Variants in MINDY2 observed in about 807,000 individuals in gnomAD.
MINDY2 encodes ubiquitin carboxyl-terminal hydrolase MINDY-2.
Under a neutral mutation model 68.2 loss-of-function variants are expected in MINDY2, and 52 were observed. The observed-to-expected ratio is 0.76, with a 90% CI of 0.61 to 0.96. The LOEUF is 0.96. Among genes scored for constraint, MINDY2 ranks in the 40% least tolerant of loss-of-function variants. The probability of loss-of-function intolerance (pLI) is 0.00; values close to 1 mark genes in which losing one functional copy is unlikely to be tolerated. For synonymous variants in MINDY2, 372 were observed against 303.0 expected, an observed-to-expected ratio of 1.23 and a Z score of -2.36; for missense variants, 881 against 773.4, an observed-to-expected ratio of 1.14 and a Z score of -1.65.
At chr15:58,825,351 G>A (rs2031325912) in intron 5 of MINDY2, among the ~76,000 whole-genome samples, 1 of 152,090 alleles carries the variant, frequency 6.6e-6, no homozygotes, top group Non-Finnish European at 1.5e-5. Context: ...ATACTTAATT[G>A]TAGAATACAC....
intron 1 of MINDY2, among the ~76,000 whole-genome samples, chr15:58,786,450 A>G (rs927710849): frequency 1.3e-5 from 2 of 152,240 alleles, no homozygotes; most frequent in Non-Finnish European, 2.9e-5. Flanking sequence ...ATTTACAATC[A>G]TTGACTGTAA....
At chr15:58,854,111 G>A (rs1435359191) in intron 8 of MINDY2, among the ~76,000 whole-genome samples, 2 of 151,940 alleles carry the variant, frequency 1.3e-5, no homozygotes, top group African/African-American at 4.8e-5. Context: ...AGGCGTGGTG[G>A]CAGGTGCCTG....
At chr15:58,848,695 G>A (rs1005463373) in intron 7 of MINDY2, among the ~76,000 whole-genome samples, 3 of 152,112 alleles carry the variant, frequency 2.0e-5, no homozygotes, top group Non-Finnish European at 2.9e-5. Flanking sequence ...GCAGCGAGCC[G>A]AGATCGTGCC....
At chr15:58,801,380 TAAAAAAA>T (rs1188514448) in intron 2 of MINDY2, among the ~76,000 whole-genome samples, 2 of 22,590 alleles carry the variant, frequency 8.9e-5, no homozygotes, top group Non-Finnish European at 8.3e-5. Context: ...CCCCATCTCT[TAAAAAAA>T]AAAAAAAAAA....
In MINDY2 at chr15:58,858,260, T is replaced by G. The variant is rs2033120668; in HGVS notation, c.*3650T>G. The G allele has an allele frequency of 6.6e-6, 1 of 152,184 alleles. No individual in the cohort carries two copies. Among genetic ancestry groups the G allele is most frequent in the African/African-American group, 2.4e-5 (1 of 41,460 alleles). The allele number at this position is 152,184 out of a possible 1,614,324, so 9.4% of individuals were successfully genotyped here. ...TTAGGCTTTGGAATATATCTTGTTTTTATTGTCTCACATTTCTGATATTGA... is the reference window on the plus strand; with the variant it reads ...TTAGGCTTTGGAATATATCTTGTTTGTATTGTCTCACATTTCTGATATTGA... On this transcript the variant is annotated 3_prime_UTR_variant, in exon 9 of 9. Coordinates refer to ENST00000559228, the MANE Select transcript of MINDY2 (RefSeq NM_001040450.3).
Position 58,809,743 on chromosome 15 carries a change from A to G in MINDY2, c.964-487A>G, listed in dbSNP as rs73428510. ...TATATATACATGTTTATCTCTCCCA[A>G]TAGAATGTTAGTTGCATAAGAGCAT... On this transcript the variant is annotated intron_variant, in intron 3 of 8. Transcript: ENST00000559228. 9.1e-3 allele frequency among the ~76,000 whole-genome samples: 1,382 copies of G among 152,262 alleles called. 20 individuals carry two copies. Among genetic ancestry groups the G allele is most frequent in the African/African-American group, 0.031 (1,305 of 41,536 alleles).
intron 2 of MINDY2, among the ~76,000 whole-genome samples, chr15:58,791,586 T>A (rs1901924371): frequency 6.7e-6 from 1 of 149,702 alleles, no homozygotes; most frequent in Admixed American, 6.7e-5. Context: ...GACTGCACTC[T>A]ACCCTGGGCA....
Position 58,855,620 on chromosome 15 carries a change from A to G in MINDY2, c.*1010A>G, listed in dbSNP as rs1480375787. 1 of 152,620 alleles carries G rather than the reference A, an allele frequency of 6.6e-6. No individual in the cohort carries two copies. The highest frequency in any genetic ancestry group is 1.5e-5 in the Non-Finnish European group (1 of 68,050). 9.5% of individuals were successfully genotyped at this position (152,620 alleles called of 1,614,324 possible). A position where few individuals can be genotyped will look rare whatever the true frequency, so the allele number is the denominator to read the frequency against. On this transcript the variant is annotated 3_prime_UTR_variant, in exon 9 of 9. Coordinates refer to ENST00000559228, the MANE Select transcript of MINDY2 (RefSeq NM_001040450.3). The stretch of plus-strand genomic sequence containing the variant: ...TAATCTCTGTGTCTTATAAAAAGAC[A>G]TTAATAAAAATCTGAAAGGGCCGGG...
At chr15:58,820,552 C>G (rs1197500925) in intron 4 of MINDY2, among the ~76,000 whole-genome samples, 1 of 152,050 alleles carries the variant, frequency 6.6e-6, no homozygotes, top group African/African-American at 2.4e-5. Flanking sequence ...ATCATCAGTT[C>G]CAGTTGTATG....
intron 2 of MINDY2, among the ~76,000 whole-genome samples, chr15:58,796,444 A>C (rs1567047020): frequency 6.6e-6 from 1 of 152,264 alleles, no homozygotes; most frequent in Non-Finnish European, 1.5e-5. Flanking sequence ...TGAGCCAGGC[A>C]GGAAGTTTGA....
rs2033100860 is a variant in MINDY2 at position 58,857,537 on chromosome 15, A to AG, written c.*2927_*2928insG. On this transcript the variant is annotated 3_prime_UTR_variant, in exon 9 of 9. Transcript: ENST00000559228. The stretch of plus-strand genomic sequence containing the variant: ...CAATAGAGCGAGACTCCGTCTCAAA[A>AG]AAAAAAAAAAAAAAAAAATTAGAGC... The AG allele has an allele frequency of 6.6e-6, 1 of 151,302 alleles. No individual in the cohort carries two copies. Among genetic ancestry groups the AG allele is most frequent in the African/African-American group, 2.4e-5 (1 of 41,256 alleles). 9.4% of individuals were successfully genotyped at this position (151,302 alleles called of 1,614,324 possible). A position where few individuals can be genotyped will look rare whatever the true frequency, so the allele number is the denominator to read the frequency against.
In MINDY2 at chr15:58,847,424, C is replaced by T; in HGVS notation, c.1496C>T (p.Ser499Leu). 6.2e-7 allele frequency: 1 copy of T among 1,605,240 alleles called. No individual in the cohort carries two copies. The highest frequency in any genetic ancestry group is 8.5e-7 in the Non-Finnish European group (1 of 1,173,452). ...CDSEFHLRPP[S>L]DPETVYKGQQ... ...TCAGAATTTCATCTTCGACCTCCTT[C>T]AGATCCTGAAACTGTATACAAAGGA... The change falls in exon 7 of 9, where the codon TCA becomes TTA. Residue 499 changes from serine to leucine, a missense_variant. By Grantham distance (145) the Ser-to-Leu change is moderately radical. Coordinates refer to ENST00000559228, the MANE Select transcript of MINDY2 (RefSeq NM_001040450.3).
At chr15:58,808,724 C>T (rs1368101100) in intron 3 of MINDY2, among the ~76,000 whole-genome samples, 1 of 152,186 alleles carries the variant, frequency 6.6e-6, no homozygotes, top group Non-Finnish European at 1.5e-5. Flanking sequence ...CCTGCCTCAG[C>T]CTCCCGAGTA....
chr15:58,802,556 T>G (rs1008565827), intron 3 of MINDY2, among the ~76,000 whole-genome samples, 179 bp downstream of exon 3: 1 of 152,144 alleles, frequency 6.6e-6, no homozygotes, highest in African/African-American at 2.4e-5. Context: ...TATGCCTCTT[T>G]AAAAATATGA....
At chr15:58,804,600 T>A (rs2013098) in intron 3 of MINDY2, among the ~76,000 whole-genome samples, 1 of 151,800 alleles carries the variant, frequency 6.6e-6, no homozygotes, top group Non-Finnish European at 1.5e-5. Flanking sequence ...TTGAGCCCAG[T>A]AGTGAGACCA....
At chr15:58,787,847 A>G in intron 1 of MINDY2, 59 bp from the exon 2 acceptor site, 2 of 1,180,744 alleles carry the variant, frequency 1.7e-6, no homozygotes, top group African/African-American at 1.6e-5. Context: ...TCTGACTGCA[A>G]GAAATACTTT....
At chr15:58,772,650 A>G (rs1479920520) in intron 1 of MINDY2, among the ~76,000 whole-genome samples, 10 of 152,160 alleles carry the variant, frequency 6.6e-5, no homozygotes, top group Non-Finnish European at 2.9e-5. Flanking sequence ...CTAAGTTTTC[A>G]TGGTTATATT....
intron 5 of MINDY2, among the ~76,000 whole-genome samples, chr15:58,830,162 T>C (rs2031637123): frequency 6.6e-6 from 1 of 152,190 alleles, no homozygotes; most frequent in African/African-American, 2.4e-5. Flanking sequence ...CTATGTTCTA[T>C]AAAGTTACTG....
intron 1 of MINDY2, among the ~76,000 whole-genome samples, chr15:58,775,892 A>G (rs548375990): frequency 7.1e-6 from 1 of 140,930 alleles, no homozygotes; most frequent in Non-Finnish European, 1.5e-5. Context: ...ACAGAGTCTC[A>G]CTCTGTCTTG....
Sources: allele counts gnomAD v4.1 joint callset (sites outside exome capture counted in the v4.1 genomes callset), GRCh38; gene constraint gnomAD v4.1.1; transcripts MANE v1.5; gene names NCBI Gene and HGNC (gene_info 2026-07-23, HGNC 2026-07-21).